BASP1: variants seen among roughly 807,000 people sequenced by gnomAD.
The protein encoded by BASP1 is brain acid soluble protein 1.
Under a neutral mutation model 2.2 loss-of-function variants are expected in BASP1, and 1 was observed. The ratio of observed to expected loss-of-function variants is 0.46; its 90% CI spans 0.16 to 2.17. The LOEUF (loss-of-function observed/expected upper bound fraction) is 2.17, where lower values mean the gene tolerates loss of function less well. Ranked by LOEUF, BASP1 falls within the 30% of genes most tolerant of loss-of-function variation. The pLI, the probability that BASP1 is intolerant of heterozygous loss-of-function variation, is 0.27. For missense variants in BASP1, 352 were observed against 327.2 expected (o/e 1.08, Z -0.58); for synonymous variants, 187 against 154.2 (o/e 1.21, Z -1.58).
At chr5:17,253,069 T>A (rs1740132896) in intron 1 of BASP1, among the ~76,000 whole-genome samples, 1 of 152,216 alleles carries the variant, frequency 6.6e-6, no homozygotes, top group Admixed American at 6.5e-5. Flanking sequence ...AATTCTAGAA[T>A]TTCTAGCTCA....
intron 1 of BASP1, among the ~76,000 whole-genome samples, chr5:17,235,343 C>A (rs1387496476): frequency 6.6e-6 from 1 of 151,534 alleles, no homozygotes; most frequent in Non-Finnish European, 1.5e-5. Flanking sequence ...TCACTGAAAG[C>A]TTCATCTCCC....
intron 1 of BASP1, among the ~76,000 whole-genome samples, chr5:17,263,987 G>A (rs1500508): frequency 0.3 from 44,962 of 151,978 alleles, 7,759 homozygotes; most frequent in Non-Finnish European, 0.38. Context: ...ATCAGACACC[G>A]ACAACAATAA....
intron 1 of BASP1, among the ~76,000 whole-genome samples, chr5:17,238,738 T>C (rs1329381630): frequency 6.6e-6 from 1 of 152,244 alleles, no homozygotes; most frequent in Non-Finnish European, 1.5e-5. Flanking sequence ...ATGGCATCAA[T>C]TATATGACTA....
At chr5:17,237,026 A>T (rs1739761311) in intron 1 of BASP1, among the ~76,000 whole-genome samples, 1 of 152,132 alleles carries the variant, frequency 6.6e-6, no homozygotes, top group Non-Finnish European at 1.5e-5. Flanking sequence ...ACAACCAAGA[A>T]TTCTTGATGG....
chr5:17,255,083 A>T (rs1162835490), intron 1 of BASP1, among the ~76,000 whole-genome samples: 1 of 151,984 alleles, frequency 6.6e-6, no homozygotes, highest in Non-Finnish European at 1.5e-5. Flanking sequence ...GCAACATTTT[A>T]TTTATTTATT....
At position 17,217,724 on chromosome 5, in the gene BASP1, G is replaced by T. The variant is rs995772602; in HGVS notation, c.-96G>T. On this transcript the variant is annotated 5_prime_UTR_variant, in exon 1 of 2. Coordinates refer to ENST00000322611, the MANE Select transcript of BASP1 (RefSeq NM_006317.5). ...GAGCCGGGAGAGAGCCTCCGCCAGC[G>T]GCCAGGCACCAGCCAGACGACGCCA... 2.6e-5 allele frequency: 4 copies of T among 153,716 alleles called. No homozygotes were observed. In the Admixed American group the frequency reaches 2.6e-4, roughly 10 times the overall value. 9.5% of individuals were successfully genotyped at this position (153,716 alleles called of 1,614,324 possible). A position where few individuals can be genotyped will look rare whatever the true frequency, so the allele number is the denominator to read the frequency against.
intron 1 of BASP1, among the ~76,000 whole-genome samples, chr5:17,222,610 A>C (rs182827340): frequency 2.6e-5 from 4 of 152,362 alleles, no homozygotes; most frequent in Admixed American, 2.6e-4. Context: ...TGATTAAAAC[A>C]GCATTCTCCT....
chr5:17,229,682 A>T (rs1337243290), intron 1 of BASP1, among the ~76,000 whole-genome samples: 2 of 152,174 alleles, frequency 1.3e-5, no homozygotes, highest in Non-Finnish European at 2.9e-5. Flanking sequence ...GTGTCTACTC[A>T]GGCTGCCATA....
At chr5:17,247,032 C>A (rs1420721925) in intron 1 of BASP1, among the ~76,000 whole-genome samples, 2 of 151,984 alleles carry the variant, frequency 1.3e-5, no homozygotes, top group African/African-American at 4.8e-5. Flanking sequence ...ACAAAAAATA[C>A]AAAAAATAGC....
At chr5:17,218,739 C>G (rs988783917) in intron 1 of BASP1, among the ~76,000 whole-genome samples, 1 of 151,420 alleles carries the variant, frequency 6.6e-6, no homozygotes, top group Non-Finnish European at 1.5e-5. Flanking sequence ...TTCCTGCTCC[C>G]CCCGCCCCCG....
At chr5:17,222,713 TAAA>T (rs1247283580) in intron 1 of BASP1, among the ~76,000 whole-genome samples, 1 of 152,140 alleles carries the variant, frequency 6.6e-6, no homozygotes, top group Non-Finnish European at 1.5e-5. Flanking sequence ...TTAAATAACA[TAAA>T]AAATTATTTC....
At chr5:17,238,590 A>G (rs1442402091) in intron 1 of BASP1, among the ~76,000 whole-genome samples, 1 of 152,172 alleles carries the variant, frequency 6.6e-6, no homozygotes, top group Non-Finnish European at 1.5e-5. Context: ...ATCTGAATGT[A>G]CTGAGGCATC....
intron 1 of BASP1, among the ~76,000 whole-genome samples, chr5:17,245,391 T>C (rs1345217453): frequency 6.6e-6 from 1 of 152,182 alleles, no homozygotes; most frequent in East Asian, 1.9e-4. Flanking sequence ...TTAAAATTAT[T>C]TTTGCTTTCT....
At chr5:17,241,794 A>G (rs571310840) in intron 1 of BASP1, among the ~76,000 whole-genome samples, 4 of 152,332 alleles carry the variant, frequency 2.6e-5, no homozygotes, top group Admixed American at 1.3e-4. Context: ...CTGTGGGGAC[A>G]GTTCACAGGA....
At position 17,236,577 on chromosome 5, in the gene BASP1, C is replaced by T. The variant is rs562983161; in HGVS notation, c.-10+18767C>T. On this transcript the variant is annotated intron_variant, in intron 1 of 1. Transcript: ENST00000322611. The surrounding 1 kb of genome is among the most constrained non-coding windows in gnomAD (Gnocchi z 4.0). ...ACCGCGCTCGGCCGAGAGCTAGTTTCCTGATTGATAAAATGTTCACTGTTT... is the reference window on the plus strand; with the variant it reads ...ACCGCGCTCGGCCGAGAGCTAGTTTTCTGATTGATAAAATGTTCACTGTTT... Among the ~76,000 whole-genome samples the T allele has an allele frequency of 2.0e-5, 3 of 152,168 alleles. No individual in the cohort carries two copies. The highest frequency in any genetic ancestry group is 7.2e-5 in the African/African-American group (3 of 41,530).
At chr5:17,229,452 T>C (rs1161725646) in intron 1 of BASP1, among the ~76,000 whole-genome samples, 1 of 152,194 alleles carries the variant, frequency 6.6e-6, no homozygotes, top group Non-Finnish European at 1.5e-5. Flanking sequence ...ATTCCCCTTA[T>C]GTGGGCAGAA....
At chr5:17,232,694 G>A (rs1054376807) in intron 1 of BASP1, among the ~76,000 whole-genome samples, 3 of 152,056 alleles carry the variant, frequency 2.0e-5, no homozygotes, top group African/African-American at 7.2e-5. Context: ...CGAACCTTTG[G>A]CAAACATCAC....
At chr5:17,239,389 G>A (rs949996306) in intron 1 of BASP1, among the ~76,000 whole-genome samples, 36 of 152,114 alleles carry the variant, frequency 2.4e-4, no homozygotes, top group African/African-American at 6.5e-4. Context: ...CACTGCACCC[G>A]GCCCAGCTCT....
chr5:17,232,679 T>G (rs1739658088), intron 1 of BASP1, among the ~76,000 whole-genome samples: 1 of 152,222 alleles, frequency 6.6e-6, no homozygotes, highest in Non-Finnish European at 1.5e-5. Flanking sequence ...GGAACCAGCT[T>G]GTAACGAACC....
Sources: gnomAD v4.1 joint callset for allele counts (sites outside exome capture counted in the v4.1 genomes callset) on GRCh38, gnomAD v4.1.1 for gene constraint, Gnocchi (gnomAD v3.1) non-coding constraint, MANE v1.5 for transcripts, NCBI Gene and HGNC (gene_info 2026-07-23, HGNC 2026-07-21) for gene names.